XRRA1: variants seen among roughly 807,000 people sequenced by gnomAD.
The protein encoded by XRRA1 is X-ray radiation resistance-associated protein 1.
Under a neutral mutation model 80.2 loss-of-function variants are expected in XRRA1, and 69 were observed. The observed-to-expected ratio is 0.86, with a 90% confidence interval of 0.71 to 1.05. The LOEUF is 1.05. Among genes scored for constraint, XRRA1 ranks in the 50% least tolerant of loss-of-function variants. XRRA1 has a pLI of 0.00. For synonymous variants in XRRA1, 348 were observed against 389.9 expected (o/e 0.89, Z 1.27); for missense variants, 967 against 976.4 (o/e 0.99, Z 0.13).
intron 10 of XRRA1, among the ~76,000 whole-genome samples, chr11:74,865,541 A>G (rs1376551938): frequency 1.3e-5 from 2 of 152,002 alleles, no homozygotes; most frequent in Non-Finnish European, 2.9e-5. Context: ...ACCAGCCTCC[A>G]TCCCACGGCA....
At chr11:74,878,745 C>A (rs1348920484) in intron 10 of XRRA1, among the ~76,000 whole-genome samples, 1 of 149,562 alleles carries the variant, frequency 6.7e-6, no homozygotes. Context: ...GCTTGTTTTT[C>A]TCAGGTTTGT....
chr11:74,875,796 A>G (rs1425484304), intron 10 of XRRA1, among the ~76,000 whole-genome samples: 1 of 152,138 alleles, frequency 6.6e-6, no homozygotes, highest in African/African-American at 2.4e-5. Flanking sequence ...GCTTTAACAC[A>G]GGAGGTGGAG....
intron 10 of XRRA1, among the ~76,000 whole-genome samples, chr11:74,892,282 C>G (rs1014410609): frequency 1.3e-5 from 2 of 152,130 alleles, no homozygotes; most frequent in Non-Finnish European, 2.9e-5. Context: ...TTTGACAAAC[C>G]TGACAAAAAC....
At chr11:74,866,461 G>A (rs1341199155) in intron 10 of XRRA1, among the ~76,000 whole-genome samples, 4 of 151,884 alleles carry the variant, frequency 2.6e-5, no homozygotes, top group Non-Finnish European at 5.9e-5. Context: ...TCACTTTGTT[G>A]CCCAGGCTGG....
At chr11:74,869,666 T>C (rs761595452) in intron 10 of XRRA1, among the ~76,000 whole-genome samples, 2 of 152,210 alleles carry the variant, frequency 1.3e-5, no homozygotes, top group Non-Finnish European at 2.9e-5. Context: ...ACCATTTTTT[T>C]GTGCCCTATG....
At chr11:74,848,618 A>G (rs2038947734) in intron 14 of XRRA1, among the ~76,000 whole-genome samples, 156 bp from the exon 15 acceptor site, 1 of 152,156 alleles carries the variant, frequency 6.6e-6, no homozygotes, top group African/African-American at 2.4e-5. Context: ...GGCATCTATG[A>G]TGTGCCCCAT....
At chr11:74,868,892 C>T (rs1263291951) in intron 10 of XRRA1, among the ~76,000 whole-genome samples, 3 of 151,974 alleles carry the variant, frequency 2.0e-5, no homozygotes, top group African/African-American at 4.8e-5. Flanking sequence ...GATAAACATA[C>T]GATAATTGTG....
intron 6 of XRRA1, among the ~76,000 whole-genome samples, chr11:74,928,843 T>C (rs1304627655): frequency 1.3e-5 from 2 of 152,018 alleles, no homozygotes; most frequent in Non-Finnish European, 2.9e-5. Flanking sequence ...TTAAGAAACA[T>C]TACCAAATTA....
rs144009267 is a variant in XRRA1, at chr11:74,904,102, A to G, written c.1003+2137T>C. Among the ~76,000 whole-genome samples the G allele has an allele frequency of 1.9e-3, 293 of 152,338 alleles. 1 individual carries two copies. Among genetic ancestry groups the G allele is most frequent in the African/African-American group, 4.6e-3 (192 of 41,582 alleles). Reference sequence around the variant, plus strand: ...ATAAAGAACCTAAGAATGAGGTTCAATCTTTCAGTCTAAAGAATCATTGGT... The same window carrying G: ...ATAAAGAACCTAAGAATGAGGTTCAGTCTTTCAGTCTAAAGAATCATTGGT... On this transcript the variant is annotated intron_variant, in intron 10 of 18. Coordinates refer to ENST00000684022, the MANE Select transcript of XRRA1 (RefSeq NM_001378157.1).
rs188655359 is a variant in XRRA1 at position 74,867,840 on chromosome 11, A to G, written c.1004-4819T>C. On this transcript the variant is annotated intron_variant, in intron 10 of 18. Coordinates refer to ENST00000684022, the MANE Select transcript of XRRA1 (RefSeq NM_001378157.1). ...GCTAGAGAGAAAGGACAGGTCACCT[A>G]CAAAAAAAAACCCATCAACTAACAA... is the stretch of plus-strand genomic sequence containing the variant. 2.7e-3 allele frequency among the ~76,000 whole-genome samples: 412 copies of G among 150,512 alleles called. 2 individuals carry two copies. Among genetic ancestry groups the G allele is most frequent in the African/African-American group, 9.8e-3 (393 of 39,918 alleles).
At chr11:74,876,953 A>G (rs1480562239) in intron 10 of XRRA1, 1 of 152,230 alleles carries the variant, frequency 6.6e-6, no homozygotes, top group African/African-American at 2.4e-5. Flanking sequence ...TTGTAACTTC[A>G]TAGACTCCCA....
chr11:74,843,298 A>C lies in XRRA1; in HGVS notation c.2305T>G (p.Cys769Gly), dbSNP rs763958261. ...GGCTGGCTCTCACTCAGCGCTGGGCAGGCCATGGGGAGCGGGGTAGTCCCG... is the reference window on the plus strand; with the variant it reads ...GGCTGGCTCTCACTCAGCGCTGGGCCGGCCATGGGGAGCGGGGTAGTCCCG... ...VFGTTPLPMACPALSESQPKF... is the reference protein window; with the variant it reads ...VFGTTPLPMAGPALSESQPKF... Residue 769 changes from cysteine (C) to glycine (G), a missense_variant, in exon 19 of 19, where the codon TGC becomes GGC. Cys to Gly is a radical substitution (Grantham distance 159). Transcript: ENST00000684022. 3.1e-6 allele frequency: 5 copies of C among 1,600,000 alleles called. No individual in the cohort carries two copies. Among genetic ancestry groups the C allele is most frequent in the Non-Finnish European group, 3.4e-6 (4 of 1,173,652 alleles).
intron 13 of XRRA1, among the ~76,000 whole-genome samples, chr11:74,851,710 A>C (rs755776003): frequency 1.3e-5 from 2 of 152,210 alleles, no homozygotes; most frequent in African/African-American, 2.4e-5. Flanking sequence ...TCCATTCCCA[A>C]CTCAGACTCT....
At chr11:74,887,857 G>A (rs896807248) in intron 10 of XRRA1, among the ~76,000 whole-genome samples, 2 of 152,042 alleles carry the variant, frequency 1.3e-5, no homozygotes, top group Non-Finnish European at 2.9e-5. Flanking sequence ...AACTGCAATG[G>A]GGCAGTGAGT....
At chr11:74,948,361 C>G (rs146706616) in intron 1 of XRRA1, among the ~76,000 whole-genome samples, 355 of 144,748 alleles carry the variant, frequency 2.5e-3, no homozygotes, top group Middle Eastern at 4.1e-3. Context: ...CGTAATAGAG[C>G]ATGGTATAAT....
intron 11 of XRRA1, 79 bp from the exon 12 acceptor site, chr11:74,859,362 G>C: frequency 6.9e-7 from 1 of 1,451,562 alleles, no homozygotes; most frequent in Non-Finnish European, 9.3e-7. Context: ...CCTTTCAATG[G>C]AACAGGGTGG....
chr11:74,936,755 A>G, intron 4 of XRRA1, 129 bp downstream of exon 4: 1 of 1,218,362 alleles, frequency 8.2e-7, no homozygotes, highest in Non-Finnish European at 1.1e-6. Context: ...GCTGTACTCA[A>G]TTTGCCAATA....
chr11:74,853,175 G>C (rs947009611), intron 12 of XRRA1, among the ~76,000 whole-genome samples: 8 of 152,186 alleles, frequency 5.3e-5, no homozygotes, highest in Admixed American at 2.0e-4. Flanking sequence ...TTTACAATGT[G>C]ATAAGTGTCA....
intron 12 of XRRA1, among the ~76,000 whole-genome samples, chr11:74,856,947 T>C (rs17133514): frequency 0.021 from 3,225 of 151,846 alleles, 110 homozygotes; most frequent in African/African-American, 0.074. Context: ...ACATTAGAGG[T>C]CTCCTACTGC....
Sources: allele counts gnomAD v4.1 joint callset (sites outside exome capture counted in the v4.1 genomes callset), GRCh38; gene constraint gnomAD v4.1.1; transcripts MANE v1.5; gene names NCBI Gene and HGNC (gene_info 2026-07-23, HGNC 2026-07-21).